WNK2: variants seen among roughly 807,000 people sequenced by gnomAD.
WNK2 encodes serine/threonine-protein kinase WNK2.
WNK2 carries 67 observed loss-of-function variants against 192.1 expected under a neutral mutation model. The ratio of observed to expected loss-of-function variants is 0.35; its 90% CI spans 0.29 to 0.43. WNK2 has a LOEUF of 0.43. Among genes scored for constraint, WNK2 ranks in the 20% least tolerant of loss-of-function variants. The pLI is 1.00. For synonymous variants in WNK2, 1,439 were observed against 1,393.9 expected (o/e 1.03, Z -0.72); for missense variants, 2,698 against 3,089.7 (o/e 0.87, Z 3.01).
chr9:93,202,386 G>A (rs1392236185), intron 2 of WNK2, among the ~76,000 whole-genome samples: 8 of 145,790 alleles, frequency 5.5e-5, no homozygotes, highest in East Asian at 2.0e-4. Context: ...TCTTTGGCTC[G>A]TTTGCCAGGG....
Position 93,259,140 on chromosome 9 carries a change from C to T in WNK2, c.2592C>T (p.Pro864=). ...LPLQAVKLPH[P]PGAPLAMPCR... is the part of the protein sequence containing the mutation. ...TGCAGGCTGTGAAGCTGCCCCACCC[C>T]CCTGGGGCGCCCCTGGCCATGCCCT... Residue 864 remains proline (P), a synonymous_variant, in exon 12 of 30, where the codon CCC becomes CCT. Transcript: ENST00000427277. This position sits in a 1 kb window ranked among gnomAD's most constrained non-coding sequence, Gnocchi z 4.8. The T allele has an allele frequency of 1.2e-6, 2 of 1,611,564 alleles. No individual in the cohort carries two copies. The highest frequency in any genetic ancestry group is 1.7e-6 in the Non-Finnish European group (2 of 1,179,004).
At position 93,299,197 on chromosome 9, in the gene WNK2, G is replaced by T. The variant is rs1564205506; in HGVS notation, c.6051G>T (p.Arg2017=). The T allele has an allele frequency of 1.2e-6, 2 of 1,601,528 alleles. No individual in the cohort carries two copies. Among genetic ancestry groups the T allele is most frequent in the Non-Finnish European group, 1.7e-6 (2 of 1,171,356 alleles). The change falls in exon 25 of 30, where the codon CGG becomes CGT. Residue 2017 remains arginine (R), a synonymous_variant. Coordinates refer to ENST00000427277, the MANE Select transcript of WNK2 (RefSeq NM_006648.4). The part of the protein sequence containing the change: ...AVQTQQPCSV[R]ASLSSDICSG... ...AGACCCAGCAGCCCTGCTCCGTCCG[G>T]GCCTCCCTGTCTTCGGACATCTGCT... is the stretch of plus-strand genomic sequence containing the variant.
Position 93,292,813 on chromosome 9 carries a change from A to G in WNK2, c.5348A>G (p.Asp1783Gly). 2 of 1,533,968 alleles carry G rather than the reference A, an allele frequency of 1.3e-6. No homozygotes were observed. The highest frequency in any genetic ancestry group is 1.8e-6 in the Non-Finnish European group (2 of 1,139,464). Residue 1783 changes from aspartate (D) to glycine (G), a missense_variant, in exon 23 of 30, where the codon GAC (aspartate) becomes GGC (glycine). Coordinates refer to ENST00000427277, the MANE Select transcript of WNK2 (RefSeq NM_006648.4). ...VYLDEAPSSP[D>G]VKLAVRRAQT... Reference sequence around the variant, plus strand: ...CTGGACGAGGCCCCCTCCAGCCCCGACGTGAAGCTGGCAGTGCGGCGGGCG... The same window carrying G: ...CTGGACGAGGCCCCCTCCAGCCCCGGCGTGAAGCTGGCAGTGCGGCGGGCG...
intron 2 of WNK2, among the ~76,000 whole-genome samples, chr9:93,191,547 G>T (rs1371497706): frequency 1.3e-5 from 2 of 152,000 alleles, no homozygotes; most frequent in African/African-American, 2.4e-5. Context: ...GATCTCTCTG[G>T]CCACCTTGGG....
At chr9:93,190,507 G>A (rs1351361888) in intron 2 of WNK2, among the ~76,000 whole-genome samples, 2 of 152,256 alleles carry the variant, frequency 1.3e-5, no homozygotes, top group South Asian at 2.1e-4. Context: ...TGGCTCAGAT[G>A]TGTGGAGGGC....
intron 2 of WNK2, among the ~76,000 whole-genome samples, chr9:93,217,361 G>A (rs1835937274): frequency 6.6e-6 from 1 of 152,248 alleles, no homozygotes; most frequent in African/African-American, 2.4e-5. Flanking sequence ...AGCCACATGT[G>A]TAGCTACTGT....
intron 9 of WNK2, among the ~76,000 whole-genome samples, 152 bp downstream of exon 9, chr9:93,253,234 C>A (rs1035742679): frequency 3.9e-5 from 6 of 152,132 alleles, no homozygotes; most frequent in African/African-American, 7.2e-5. Context: ...AGCCACACTT[C>A]CCCTGGGGAG....
intron 27 of WNK2, 195 bp downstream of exon 27, chr9:93,307,016 T>C (rs1852704403): frequency 1.5e-6 from 1 of 657,644 alleles, no homozygotes; most frequent in Admixed American, 2.8e-5. Context: ...CCCCCGTGTG[T>C]CTCGTGGCGC....
chr9:93,311,613 TTGTG>T (rs71364368), intron 28 of WNK2, among the ~76,000 whole-genome samples: 6 of 146,076 alleles, frequency 4.1e-5, no homozygotes, highest in East Asian at 2.0e-4. Flanking sequence ...GTTTTTTTGT[TTGTG>T]TGTGTGTGTG....
At chr9:93,318,515 A>T in intron 29 of WNK2, 1 of 1,614,162 alleles carries the variant, frequency 6.2e-7, no homozygotes, top group African/African-American at 1.3e-5. Context: ...AGAAAACGTT[A>T]GGTGAGCAGA....
chr9:93,219,446 T>C (rs1265327984), intron 2 of WNK2, among the ~76,000 whole-genome samples: 1 of 152,208 alleles, frequency 6.6e-6, no homozygotes, highest in Non-Finnish European at 1.5e-5. Context: ...ATATGGATCC[T>C]AGGGAGGAAG....
At chr9:93,306,338 C>A (rs1440181684) in intron 26 of WNK2, among the ~76,000 whole-genome samples, 1 of 152,222 alleles carries the variant, frequency 6.6e-6, no homozygotes, top group Non-Finnish European at 1.5e-5. Flanking sequence ...TGGGCTTCGG[C>A]GGCCAAGCCC....
At chr9:93,219,548 A>G (rs940988200) in intron 2 of WNK2, among the ~76,000 whole-genome samples, 8 of 152,188 alleles carry the variant, frequency 5.3e-5, no homozygotes, top group African/African-American at 1.9e-4. Flanking sequence ...GGTGGTCTTC[A>G]TTTAAGGATG....
At position 93,289,428 on chromosome 9, in the gene WNK2, T is replaced by C; in HGVS notation, c.4674T>C (p.Thr1558=). 1 of 1,613,012 alleles carries C rather than the reference T, an allele frequency of 6.2e-7. No homozygotes were observed. The highest frequency in any genetic ancestry group is 1.1e-5 in the South Asian group (1 of 91,084). Residue 1558 remains threonine, a synonymous_variant, in exon 20 of 30, where the codon ACT becomes ACC. Coordinates refer to ENST00000427277, the MANE Select transcript of WNK2 (RefSeq NM_006648.4). ...TIKSLDEKLR[T]LLYQEHVPTS... is the part of the protein sequence containing the mutation. The stretch of plus-strand genomic sequence containing the variant: ...AGAGCCTGGACGAGAAGCTGCGGAC[T>C]CTGCTCTACCAGGAGCACGTGCCCA...
chr9:93,192,390 C>G (rs1362478259), intron 2 of WNK2, among the ~76,000 whole-genome samples: 1 of 151,352 alleles, frequency 6.6e-6, no homozygotes, highest in African/African-American at 2.4e-5. Flanking sequence ...GATGTGGCTG[C>G]TGTCCTCTGA....
At chr9:93,255,769 T>C (rs966272673) in intron 9 of WNK2, among the ~76,000 whole-genome samples, 1 of 152,200 alleles carries the variant, frequency 6.6e-6, no homozygotes, top group Non-Finnish European at 1.5e-5. Flanking sequence ...CCAATTCCAT[T>C]AGTACACCAA....
At chr9:93,237,073 A>G (rs2132203099) in intron 5 of WNK2, among the ~76,000 whole-genome samples, 1 of 152,256 alleles carries the variant, frequency 6.6e-6, no homozygotes, top group East Asian at 1.9e-4. Context: ...TGACCCAAGA[A>G]GGTTCTGAAT....
chr9:93,209,029 G>A (rs1367712030), intron 2 of WNK2, among the ~76,000 whole-genome samples: 1 of 152,112 alleles, frequency 6.6e-6, no homozygotes, highest in Non-Finnish European at 1.5e-5. Flanking sequence ...CTTTATGATC[G>A]GACCAAGAGG....
chr9:93,271,717 A>G (rs1846030369), intron 19 of WNK2, among the ~76,000 whole-genome samples: 1 of 152,266 alleles, frequency 6.6e-6, no homozygotes, highest in African/African-American at 2.4e-5. Flanking sequence ...AGAGTCTCAA[A>G]AGGGAAAGAG....
Sources: gnomAD v4.1 joint callset for allele counts (sites outside exome capture counted in the v4.1 genomes callset) on GRCh38, gnomAD v4.1.1 for gene constraint, Gnocchi (gnomAD v3.1) non-coding constraint, MANE v1.5 for transcripts, NCBI Gene and HGNC (gene_info 2026-07-23, HGNC 2026-07-21) for gene names.